PHACTR1: variants seen among roughly 807,000 people sequenced by gnomAD.
The protein encoded by PHACTR1 is phosphatase and actin regulator 1.
Under a neutral mutation model 69.2 loss-of-function variants are expected in PHACTR1, and 16 were observed. The observed-to-expected ratio is 0.23, with a 90% CI of 0.16 to 0.35. The LOEUF (loss-of-function observed/expected upper bound fraction) is 0.35, where lower values mean the gene tolerates loss of function less well. PHACTR1 is among the 10% of genes least tolerant of loss of function. The probability of loss-of-function intolerance (pLI) is 1.00; values close to 1 mark genes in which losing one functional copy is unlikely to be tolerated. For missense variants in PHACTR1, 510 were observed against 734.7 expected (o/e 0.69, Z 3.54); for synonymous variants, 312 against 284.5 (o/e 1.10, Z -0.97).
chr6:13,146,976 C>T (rs1247252032), intron 5 of PHACTR1, among the ~76,000 whole-genome samples: 1 of 152,162 alleles, frequency 6.6e-6, no homozygotes, highest in African/African-American at 2.4e-5. Flanking sequence ...GAGCATTGAG[C>T]GTTTGTGTCT....
chr6:12,926,722 G>A (rs1788304927), intron 4 of PHACTR1, among the ~76,000 whole-genome samples: 1 of 152,222 alleles, frequency 6.6e-6, no homozygotes. Context: ...AGGATTTATA[G>A]AGTGACTTTC....
chr6:13,011,424 C>A (rs146393450), intron 4 of PHACTR1, among the ~76,000 whole-genome samples: 2 of 152,336 alleles, frequency 1.3e-5, no homozygotes, highest in East Asian at 3.9e-4. Context: ...AGAGAAATGA[C>A]TCTCCCAGGT....
chr6:13,069,824 G>T (rs983491492), intron 5 of PHACTR1, among the ~76,000 whole-genome samples: 1 of 152,144 alleles, frequency 6.6e-6, no homozygotes, highest in Non-Finnish European at 1.5e-5. Flanking sequence ...TCTTGCAACA[G>T]ACCTATATAG....
chr6:13,104,132 AT>A (rs909508591), intron 5 of PHACTR1, among the ~76,000 whole-genome samples: 4 of 152,016 alleles, frequency 2.6e-5, no homozygotes, highest in South Asian at 2.1e-4. Context: ...AATTTCACCT[AT>A]TTTTTCCATG....
At chr6:12,754,195 G>A (rs375258346) in intron 4 of PHACTR1, among the ~76,000 whole-genome samples, 6 of 143,334 alleles carry the variant, frequency 4.2e-5, no homozygotes, top group African/African-American at 7.8e-5. Flanking sequence ...AGATGGTCTC[G>A]ATCTCCTGAC....
chr6:13,033,982 A>G (rs868857460), intron 4 of PHACTR1, among the ~76,000 whole-genome samples: 5 of 151,984 alleles, frequency 3.3e-5, no homozygotes, highest in Admixed American at 2.6e-4. Flanking sequence ...GTGTCCCACA[A>G]TATTTTGAGT....
chr6:13,123,512 C>T (rs1467659409), intron 5 of PHACTR1, among the ~76,000 whole-genome samples: 1 of 152,110 alleles, frequency 6.6e-6, no homozygotes, highest in Non-Finnish European at 1.5e-5. Flanking sequence ...GGAAGGCCAC[C>T]TAAATTTAGA....
chr6:13,141,910 A>G (rs557033292), intron 5 of PHACTR1, among the ~76,000 whole-genome samples: 1 of 152,072 alleles, frequency 6.6e-6, no homozygotes, highest in East Asian at 1.9e-4. Context: ...CTATTTGAGG[A>G]TAATGGATAT....
chr6:13,005,051 C>T (rs1026102369), intron 4 of PHACTR1, among the ~76,000 whole-genome samples: 2 of 151,566 alleles, frequency 1.3e-5, no homozygotes, highest in African/African-American at 2.4e-5. Context: ...AAAAGCCCAG[C>T]AGTTTCTCAG....
intron 5 of PHACTR1, among the ~76,000 whole-genome samples, chr6:13,125,446 G>A (rs1369350520): frequency 6.6e-6 from 1 of 151,370 alleles, no homozygotes; most frequent in Non-Finnish European, 1.5e-5. Flanking sequence ...TTACCTTTCA[G>A]TCATTTTTTA....
At chr6:12,851,165 A>T (rs1002929766) in intron 4 of PHACTR1, among the ~76,000 whole-genome samples, 1 of 152,218 alleles carries the variant, frequency 6.6e-6, no homozygotes, top group African/African-American at 2.4e-5. Flanking sequence ...GATTTAGAAA[A>T]TCGGACATGT....
intron 4 of PHACTR1, among the ~76,000 whole-genome samples, chr6:12,849,223 G>A (rs1006907960): frequency 1.3e-5 from 2 of 152,194 alleles, no homozygotes; most frequent in African/African-American, 2.4e-5. Flanking sequence ...AGGCCTTGCC[G>A]CAATGCCAGT....
intron 4 of PHACTR1, among the ~76,000 whole-genome samples, chr6:12,914,753 A>G (rs1189948783): frequency 6.6e-6 from 1 of 152,196 alleles, no homozygotes; most frequent in African/African-American, 2.4e-5. Flanking sequence ...TCATTAAACT[A>G]TGACAGTGGA....
rs548614894 is a variant in PHACTR1 at position 13,215,817 on chromosome 6, G to GC, written c.986+9682dup. ...AAGTAGAATGGCTTTACCTCTGCTG[G>GC]CATAGTCAATGTACATCTGTGTTAA... On this transcript the variant is annotated intron_variant, in intron 8 of 14. Coordinates refer to ENST00000332995, the MANE Select transcript of PHACTR1 (RefSeq NM_030948.6). Among the ~76,000 whole-genome samples the GC allele has an allele frequency of 7.9e-5, 12 of 152,274 alleles. No individual in the cohort carries two copies. In the South Asian group the frequency reaches 2.5e-3, roughly 32 times the overall value.
intron 5 of PHACTR1, among the ~76,000 whole-genome samples, chr6:13,067,761 A>G (rs1808873973): frequency 6.6e-6 from 1 of 152,206 alleles, no homozygotes; most frequent in African/African-American, 2.4e-5. Flanking sequence ...TTGATTAGGT[A>G]ATCAGACAGT....
intron 6 of PHACTR1, among the ~76,000 whole-genome samples, chr6:13,169,437 A>G (rs1386958346): frequency 6.6e-6 from 1 of 152,204 alleles, no homozygotes; most frequent in Non-Finnish European, 1.5e-5. Context: ...GGTATTTCTC[A>G]GAGAGAATGT....
intron 4 of PHACTR1, among the ~76,000 whole-genome samples, chr6:12,843,614 A>G (rs1778915362): frequency 6.6e-6 from 1 of 152,232 alleles, no homozygotes. Context: ...TCATAAATTG[A>G]CAACTTCTTC....
At chr6:12,766,652 T>A (rs1768652156) in intron 4 of PHACTR1, among the ~76,000 whole-genome samples, 1 of 152,218 alleles carries the variant, frequency 6.6e-6, no homozygotes, top group Non-Finnish European at 1.5e-5. Flanking sequence ...ATTAAACATT[T>A]ACCAGCACAC....
At chr6:13,087,694 G>A (rs1219074299) in intron 5 of PHACTR1, among the ~76,000 whole-genome samples, 1 of 151,388 alleles carries the variant, frequency 6.6e-6, no homozygotes, top group African/African-American at 2.4e-5. Context: ...TTGCACAGGT[G>A]GTGTGCAGTG....
Sources: allele counts gnomAD v4.1 joint callset (sites outside exome capture counted in the v4.1 genomes callset), GRCh38; gene constraint gnomAD v4.1.1; transcripts MANE v1.5; gene names NCBI Gene and HGNC (gene_info 2026-07-23, HGNC 2026-07-21).